SH3GL1: variants seen among roughly 807,000 people sequenced by gnomAD.
SH3GL1 encodes SH3 domain containing GRB2 like 1, endophilin A2.
SH3GL1 carries 21 observed loss-of-function variants against 48.8 expected under a neutral mutation model. That is an observed-to-expected ratio of 0.43 (90% CI 0.30 to 0.62). SH3GL1 has a LOEUF of 0.62. Ranked by LOEUF, SH3GL1 falls within the 20% of genes least tolerant of loss-of-function variation. SH3GL1 has a pLI of 0.11. For synonymous variants in SH3GL1, 282 were observed against 217.5 expected (o/e 1.30, Z -2.61); for missense variants, 454 against 503.0 (o/e 0.90, Z 0.93).
rs1301689585 is a variant in SH3GL1 at position 4,400,364 on chromosome 19, G to A, written c.5C>T (p.Ser2Leu). 9.4e-6 allele frequency: 15 copies of A among 1,589,422 alleles called. No homozygotes were observed. The highest frequency in any genetic ancestry group is 1.2e-5 in the Non-Finnish European group (14 of 1,172,216). Reference sequence around the variant, plus strand: ...GAACTGCTTCTTCAGCCCCGCCACCGACATGCTGCCGCCCGCCGCCGAGCC... The same window carrying A: ...GAACTGCTTCTTCAGCCCCGCCACCAACATGCTGCCGCCCGCCGCCGAGCC... Reference protein sequence around the residue: MSVAGLKKQFYK... With the variant: MLVAGLKKQFYK... The change falls in exon 1 of 10, where the codon TCG becomes TTG. Residue 2 changes from serine to leucine, a missense_variant. Ser to Leu is a moderately radical substitution (Grantham distance 145, BLOSUM62 -2). This residue lies in a region of SH3GL1 where 176 missense variants were observed against 256.2 expected (regional missense o/e 0.69). Coordinates refer to ENST00000269886, the MANE Select transcript of SH3GL1 (RefSeq NM_003025.4). The surrounding 1 kb of genome is among the most constrained non-coding windows in gnomAD (Gnocchi z 4.1).
chr19:4,380,112 C>G (rs1010172603), intron 1 of SH3GL1: 5 of 152,240 alleles, frequency 3.3e-5, no homozygotes, highest in African/African-American at 1.2e-4. Flanking sequence ...TGGGGGCCTC[C>G]CTCCAACACC....
At chr19:4,362,411 T>G in intron 8 of SH3GL1, 26 bp from the exon 9 acceptor site, 1 of 1,604,732 alleles carries the variant, frequency 6.2e-7, no homozygotes, top group African/African-American at 1.3e-5. Context: ...ACGAGGAGGC[T>G]GTGGGCTCAA....
At chr19:4,381,445 C>A (rs1234238369) in intron 1 of SH3GL1, among the ~76,000 whole-genome samples, 1 of 123,772 alleles carries the variant, frequency 8.1e-6, no homozygotes, top group Non-Finnish European at 1.7e-5. Flanking sequence ...GCCTCTCTGT[C>A]CCCCTACCTC....
chr19:4,383,623 C>T (rs1196736205), intron 1 of SH3GL1, among the ~76,000 whole-genome samples: 1 of 152,206 alleles, frequency 6.6e-6, no homozygotes, highest in African/African-American at 2.4e-5. Flanking sequence ...GAGAGAACTG[C>T]TCTCACACAT....
At position 4,363,227 on chromosome 19, in the gene SH3GL1, A is replaced by G. The variant is rs1972673615; in HGVS notation, c.728+143T>C. 5.7e-6 allele frequency: 4 copies of G among 695,998 alleles called. No homozygotes were observed. In the Middle Eastern group the frequency reaches 1.2e-3, roughly 209 times the overall value. 43.1% of individuals were successfully genotyped at this position (695,998 alleles called of 1,614,324 possible). On this transcript the variant is annotated intron_variant, in intron 7 of 9. Transcript: ENST00000269886. ...AGCTCCTCTGACCTCGCGGCCCCCC[A>G]GGCCTTTCCACTCAGTCCCCAGGAA...
In SH3GL1 at chr19:4,369,016, C is replaced by G. The variant is rs372453573; in HGVS notation, c.46-2022G>C. 2.8e-4 allele frequency among the ~76,000 whole-genome samples: 42 copies of G among 152,106 alleles called. No homozygotes were observed. The South Asian group carries it at 5.4e-3, about 20-fold the overall frequency. On this transcript the variant is annotated intron_variant, in intron 1 of 9. Transcript: ENST00000269886. The stretch of plus-strand genomic sequence containing the variant: ...GAACCCGGGAGGTGGAGCTTGCAGT[C>G]AGCAGAGATCCAGCCACTGCACTCC...
At chr19:4,393,899 C>T (rs1221427175) in intron 1 of SH3GL1, among the ~76,000 whole-genome samples, 9 of 152,096 alleles carry the variant, frequency 5.9e-5, no homozygotes, top group Non-Finnish European at 1.2e-4. Flanking sequence ...CCAGACACTG[C>T]TTACTCTGAC....
At chr19:4,391,658 G>A (rs1297734494) in intron 1 of SH3GL1, among the ~76,000 whole-genome samples, 1 of 152,218 alleles carries the variant, frequency 6.6e-6, no homozygotes. Context: ...TGTGAAGGGG[G>A]CCAGGTGAGC....
At chr19:4,380,873 A>C (rs908224969) in intron 1 of SH3GL1, among the ~76,000 whole-genome samples, 9 of 152,310 alleles carry the variant, frequency 5.9e-5, no homozygotes, top group African/African-American at 2.2e-4. Context: ...GTTGAAGATT[A>C]GTTCCACAGA....
rs1430541449 is a variant in SH3GL1 at position 4,361,657 on chromosome 19, G to GCC, written c.1048_1049dup (p.Gln351AlafsTer124). ...AGCTGAGCGGGAAGAAGCCCGACTG[G>GCC]CCGTCCAGCATGCCCTCGTACCAGT... On this transcript the variant is annotated frameshift_variant, in exon 10 of 10. Coordinates refer to ENST00000269886, the MANE Select transcript of SH3GL1 (RefSeq NM_003025.4). LOFTEE classifies it high-confidence loss of function. 6.2e-7 allele frequency: 1 copy of GCC among 1,611,548 alleles called. No homozygotes were observed. Among genetic ancestry groups the GCC allele is most frequent in the Non-Finnish European group, 8.5e-7 (1 of 1,179,698 alleles).
chr19:4,391,339 A>G (rs1973334483), intron 1 of SH3GL1, among the ~76,000 whole-genome samples: 1 of 152,156 alleles, frequency 6.6e-6, no homozygotes, highest in African/African-American at 2.4e-5. Context: ...TCGCACTCAC[A>G]GGCTGTTATT....
intron 7 of SH3GL1, 65 bp downstream of exon 7, chr19:4,363,305 C>T (rs1215876002): frequency 8.1e-6 from 10 of 1,237,850 alleles, no homozygotes; most frequent in Admixed American, 2.0e-5. Context: ...GGTGTGCTGC[C>T]CACTTGCGCT....
At chr19:4,381,347 T>C (rs1973124311) in intron 1 of SH3GL1, among the ~76,000 whole-genome samples, 1 of 113,984 alleles carries the variant, frequency 8.8e-6, no homozygotes, top group Non-Finnish European at 1.7e-5. Context: ...CCCCTCTGCC[T>C]CTCTCTGTCC....
At chr19:4,388,972 C>T (rs934028580) in intron 1 of SH3GL1, among the ~76,000 whole-genome samples, 6 of 152,214 alleles carry the variant, frequency 3.9e-5, no homozygotes, top group Middle Eastern at 6.3e-3. Context: ...CCGAGTTCTC[C>T]GAGGCCTTGT....
At chr19:4,393,055 G>A (rs1435858577) in intron 1 of SH3GL1, among the ~76,000 whole-genome samples, 8 of 152,072 alleles carry the variant, frequency 5.3e-5, no homozygotes, top group African/African-American at 1.9e-4. Flanking sequence ...GAGGTCAGGA[G>A]TTCGAGACCA....
chr19:4,371,406 C>T (rs574210201), intron 1 of SH3GL1, among the ~76,000 whole-genome samples: 1 of 152,194 alleles, frequency 6.6e-6, no homozygotes, highest in Non-Finnish European at 1.5e-5. Flanking sequence ...CGAATCCTGC[C>T]GAGTGGAGCT....
chr19:4,366,630 A>G, intron 2 of SH3GL1, 57 bp from the exon 3 acceptor site: 2 of 1,484,724 alleles, frequency 1.3e-6, no homozygotes, highest in South Asian at 2.3e-5. Flanking sequence ...AAGGCACACA[A>G]GACCCCCGCT....
chr19:4,382,188 T>A (rs978216440), intron 1 of SH3GL1, among the ~76,000 whole-genome samples: 1 of 151,422 alleles, frequency 6.6e-6, no homozygotes, highest in African/African-American at 2.4e-5. Flanking sequence ...TCAACAGCTA[T>A]CTCTTGTTCT....
At chr19:4,381,968 C>T (rs1599610852) in intron 1 of SH3GL1, among the ~76,000 whole-genome samples, 1 of 152,068 alleles carries the variant, frequency 6.6e-6, no homozygotes, top group African/African-American at 2.4e-5. Flanking sequence ...CACACGACGT[C>T]TTCAACGACA....
Sources: gnomAD v4.1 joint callset for allele counts (sites outside exome capture counted in the v4.1 genomes callset) on GRCh38, gnomAD v4.1.1 for gene constraint, gnomAD v4.1.1 regional missense constraint, Gnocchi (gnomAD v3.1) non-coding constraint, MANE v1.5 for transcripts, NCBI Gene and HGNC (gene_info 2026-07-23, HGNC 2026-07-21) for gene names.